Variants in ASB5 observed in about 807,000 individuals in gnomAD.
ASB5 encodes the protein ankyrin repeat and SOCS box containing 5.
ASB5 carries 45 observed loss-of-function variants against 42.1 expected under a neutral mutation model. The ratio of observed to expected loss-of-function variants is 1.07; its 90% CI spans 0.84 to 1.37. The LOEUF (loss-of-function observed/expected upper bound fraction) is 1.37, where lower values mean the gene tolerates loss of function less well. Ranked by LOEUF, ASB5 falls within the 40% of genes most tolerant of loss-of-function variation. The pLI is 0.00. For synonymous variants in ASB5, 147 were observed against 150.6 expected, an observed-to-expected ratio of 0.98 and a Z score of 0.18; for missense variants, 402 against 399.8, an observed-to-expected ratio of 1.01 and a Z score of -0.05.
chr4:176,248,909 G>C (rs1018595969), intron 1 of ASB5, among the ~76,000 whole-genome samples: 1 of 152,140 alleles, frequency 6.6e-6, no homozygotes, highest in Non-Finnish European at 1.5e-5. Context: ...ATACATGAAG[G>C]CTTCTGGGGT....
At chr4:176,255,689 T>C (rs1197317352) in intron 1 of ASB5, among the ~76,000 whole-genome samples, 1 of 152,162 alleles carries the variant, frequency 6.6e-6, no homozygotes, top group African/African-American at 2.4e-5. Context: ...ATGGCAGCAG[T>C]AGACACAGGG....
At chr4:176,268,005 T>C (rs1474946853) in intron 1 of ASB5, among the ~76,000 whole-genome samples, 1 of 152,204 alleles carries the variant, frequency 6.6e-6, no homozygotes, top group Non-Finnish European at 1.5e-5. Context: ...TGTGTGATAG[T>C]AAATTTCAAT....
chr4:176,214,569 T>G lies in ASB5; in HGVS notation c.*1031A>C, dbSNP rs1044048897. On this transcript the variant is annotated 3_prime_UTR_variant, in exon 7 of 7. Transcript: ENST00000296525. ...ATACAGTATACTCTAAGCCCTTGTT[T>G]TGTGTAAAAAGAATTAGAAACAGTG... 6.6e-5 allele frequency: 10 copies of G among 152,164 alleles called. No homozygotes were observed. Among genetic ancestry groups the G allele is most frequent in the Admixed American group, 2.0e-4 (3 of 15,264 alleles). The allele number at this position is 152,164 out of a possible 1,614,324, so 9.4% of individuals were successfully genotyped here.
chr4:176,276,725 A>T (rs1303713818), intron 1 of ASB5, among the ~76,000 whole-genome samples: 1 of 152,202 alleles, frequency 6.6e-6, no homozygotes. Flanking sequence ...TTACCTGAAG[A>T]TGTGATCGTG....
chr4:176,215,596 T>C lies in ASB5; in HGVS notation c.*4A>G. 6.2e-7 allele frequency: 1 copy of C among 1,608,720 alleles called. No homozygotes were observed. The highest frequency in any genetic ancestry group is 8.5e-7 in the Non-Finnish European group (1 of 1,177,628). ...TTCAAGGTATTTAGAATTACTTTAC[T>C]GTTTTATCGATACTGTAAGAAATTC... On this transcript the variant is annotated 3_prime_UTR_variant, in exon 7 of 7. Coordinates refer to ENST00000296525, the MANE Select transcript of ASB5 (RefSeq NM_080874.4).
At chr4:176,229,222 T>G (rs1368974360) in intron 1 of ASB5, among the ~76,000 whole-genome samples, 2 of 152,178 alleles carry the variant, frequency 1.3e-5, no homozygotes, top group Non-Finnish European at 2.9e-5. Context: ...CCATTATCCC[T>G]GCCTATTTTT....
Position 176,221,306 on chromosome 4 carries a change from G to T in ASB5, c.536-17C>A. 1 of 1,613,152 alleles carries T rather than the reference G, an allele frequency of 6.2e-7. No individual in the cohort carries two copies. Among genetic ancestry groups the T allele is most frequent in the South Asian group, 1.1e-5 (1 of 90,896 alleles). On this transcript the variant is annotated splice_polypyrimidine_tract_variant and intron_variant, in intron 4 of 6. Transcript: ENST00000296525. ...CATGGTGACCTGCCAACACAAAGTA[G>T]AGGAGTTTAACTTAATGCCCATCCA...
intron 1 of ASB5, among the ~76,000 whole-genome samples, chr4:176,251,412 A>C (rs1312337194): frequency 1.6e-5 from 1 of 62,500 alleles, no homozygotes; most frequent in East Asian, 3.0e-4. Flanking sequence ...AATACAAAAA[A>C]TTAGCCGGGC....
chr4:176,241,494 G>A (rs1753811294), intron 1 of ASB5: 2 of 1,535,644 alleles, frequency 1.3e-6, no homozygotes, highest in Non-Finnish European at 8.7e-7. Flanking sequence ...ATTGCAAAGA[G>A]GCATCTGGAA....
chr4:176,219,228 T>A (rs1413076227), intron 5 of ASB5, among the ~76,000 whole-genome samples: 1 of 115,284 alleles, frequency 8.7e-6, no homozygotes, highest in African/African-American at 3.6e-5. Context: ...TATATATATT[T>A]GTATGATATA....
chr4:176,220,692 C>T (rs1461376441), intron 5 of ASB5, among the ~76,000 whole-genome samples: 1 of 152,072 alleles, frequency 6.6e-6, no homozygotes, highest in Non-Finnish European at 1.5e-5. Flanking sequence ...GTAAGCAGGA[C>T]AGAAAGTACA....
chr4:176,224,221 ATTTTTTTTTTTTTT>A (rs869080360), intron 2 of ASB5, among the ~76,000 whole-genome samples: 1 of 87,218 alleles, frequency 1.1e-5, no homozygotes, highest in Non-Finnish European at 2.0e-5. Context: ...TGTGCATTTG[ATTTTTTTTTTTTTT>A]TTTTTTTTTT....
rs1752906883 is a variant in ASB5, at chr4:176,214,164, A to G, written c.*1436T>C. 1 of 152,142 alleles carries G rather than the reference A, an allele frequency of 6.6e-6. No individual in the cohort carries two copies. The highest frequency in any genetic ancestry group is 1.5e-5 in the Non-Finnish European group (1 of 68,002). 9.4% of individuals were successfully genotyped at this position (152,142 alleles called of 1,614,324 possible). ...CAACTGATTTTTTTTCTTTCTGCCA[A>G]AATGCAAGCTTAGTGATCTGGGGGT... is the stretch of plus-strand genomic sequence containing the variant. On this transcript the variant is annotated 3_prime_UTR_variant, in exon 7 of 7. Transcript: ENST00000296525.
chr4:176,269,935 C>A (rs1028057027), upstream of ASB5, among the ~76,000 whole-genome samples: 1 of 152,056 alleles, frequency 6.6e-6, no homozygotes, highest in Non-Finnish European at 1.5e-5. Flanking sequence ...AAGACATATC[C>A]AAAAGAATTA....
Position 176,215,724 on chromosome 4 carries a change from G to A in ASB5, c.866C>T (p.Thr289Ile), listed in dbSNP as rs140581172. The change falls in exon 7 of 7, where the codon ACC becomes ATC. Residue 289 changes from threonine (T) to isoleucine (I), a missense_variant. Coordinates refer to ENST00000296525, the MANE Select transcript of ASB5 (RefSeq NM_080874.4). The part of the protein sequence containing the change: ...VERILLQHEA[T>I]PSSLYQLCRL... ...GCAAAGTTGGTAAAGAGAGCTTGGG[G>A]TAGCTACAAGAAGACATGAATCTAT... The A allele has an allele frequency of 4.3e-6, 7 of 1,609,472 alleles. No individual in the cohort carries two copies. The highest frequency in any genetic ancestry group is 2.7e-5 in the African/African-American group (2 of 74,664).
chr4:176,249,568 T>G (rs1338248389), intron 1 of ASB5: 2 of 152,036 alleles, frequency 1.3e-5, no homozygotes, highest in Admixed American at 1.3e-4. Flanking sequence ...GCTCTACCAC[T>G]GAGGGTAATA....
Position 176,219,212 on chromosome 4 carries a change from G to GTATGACAT in ASB5, c.670+1942_670+1943insATGTCATA, listed in dbSNP as rs1561250790. Among the ~76,000 whole-genome samples the GTATGACAT allele has an allele frequency of 1.7e-3, 167 of 98,682 alleles. 1 individual carries two copies. The highest frequency in any genetic ancestry group is 2.0e-3 in the Non-Finnish European group (109 of 53,572). 64.7% of individuals were successfully genotyped at this position (98,682 alleles called of 152,430 possible). ...TATAAATATATATATTTGTATGACA[G>GTATGACAT]ATAAATATATATATTTGTATGATAT... On this transcript the variant is annotated intron_variant, in intron 5 of 6. Coordinates refer to ENST00000296525, the MANE Select transcript of ASB5 (RefSeq NM_080874.4).
intron 1 of ASB5, among the ~76,000 whole-genome samples, chr4:176,265,472 T>C (rs1754339493): frequency 6.6e-6 from 1 of 152,212 alleles, no homozygotes; most frequent in Admixed American, 6.5e-5. Context: ...ACATTTTGCC[T>C]TTTATGTATA....
At chr4:176,245,057 C>T (rs17062670) in intron 1 of ASB5, among the ~76,000 whole-genome samples, 2,109 of 152,232 alleles carry the variant, frequency 0.014, 36 homozygotes, top group African/African-American at 0.046. Flanking sequence ...TTCAGGAGTT[C>T]CCAGATAAAC....
Sources: allele counts gnomAD v4.1 joint callset (sites outside exome capture counted in the v4.1 genomes callset), GRCh38; gene constraint gnomAD v4.1.1; transcripts MANE v1.5; gene names NCBI Gene and HGNC (gene_info 2026-07-23, HGNC 2026-07-21).